The following RBFOX1 variants were observed in gnomAD, a reference collection of about 807,000 sequenced individuals.
RBFOX1 encodes RNA binding fox-1 homolog 1, also known as RNA binding protein fox-1 homolog 1.
A neutral mutation model predicts 57.7 loss-of-function variants in RBFOX1; 8 were observed. That is an observed-to-expected ratio of 0.14 (90% CI 0.08 to 0.25). RBFOX1 has a LOEUF of 0.25. RBFOX1 is among the 10% of genes least tolerant of loss of function. The probability of loss-of-function intolerance (pLI) is 1.00; values close to 1 mark genes in which losing one functional copy is unlikely to be tolerated. For synonymous variants in RBFOX1, 326 were observed against 222.4 expected, an observed-to-expected ratio of 1.47 and a Z score of -4.15; for missense variants, 611 against 548.5, an observed-to-expected ratio of 1.11 and a Z score of -1.14.
chr16:6,429,046 G>A (rs1167264271), intron 2 of RBFOX1, among the ~76,000 whole-genome samples: 1 of 152,096 alleles, frequency 6.6e-6, no homozygotes, highest in African/African-American at 2.4e-5. Context: ...CCTGGAAGAG[G>A]AGAAGGTGCG....
At chr16:7,183,085 C>T (rs886763552) in intron 4 of RBFOX1, among the ~76,000 whole-genome samples, 2 of 152,146 alleles carry the variant, frequency 1.3e-5, no homozygotes, top group Non-Finnish European at 2.9e-5. Flanking sequence ...GATCCCCTAA[C>T]TGCCAATTTC....
At chr16:6,059,424 A>G (rs1229235053) in intron 1 of RBFOX1, among the ~76,000 whole-genome samples, 1 of 152,174 alleles carries the variant, frequency 6.6e-6, no homozygotes, top group Non-Finnish European at 1.5e-5. Context: ...CAATATAAAC[A>G]TTTATATAAT....
intron 3 of RBFOX1, among the ~76,000 whole-genome samples, chr16:6,655,625 G>T (rs917922174): frequency 6.6e-6 from 1 of 152,080 alleles, no homozygotes; most frequent in Non-Finnish European, 1.5e-5. Context: ...ATTGACAAGA[G>T]TTCACAGACA....
chr16:7,709,174 C>G (rs545502747), intron 15 of RBFOX1, 43 bp downstream of exon 15: 2 of 1,535,506 alleles, frequency 1.3e-6, no homozygotes, highest in Non-Finnish European at 1.8e-6. Context: ...TCCTGCCTCC[C>G]TTCCCTTTCC....
At chr16:6,265,923 A>C (rs1598972357) in intron 1 of RBFOX1, among the ~76,000 whole-genome samples, 1 of 152,200 alleles carries the variant, frequency 6.6e-6, no homozygotes, top group South Asian at 2.1e-4. Flanking sequence ...TTCTCTTCAC[A>C]TGCAGCATCC....
chr16:6,793,503 A>G (rs140717775), intron 3 of RBFOX1, among the ~76,000 whole-genome samples: 17 of 152,270 alleles, frequency 1.1e-4, no homozygotes, highest in East Asian at 9.7e-4. Flanking sequence ...GTGTTTTGAC[A>G]TTTTGGCCAT....
chr16:6,278,962 G>T (rs1037671404), intron 1 of RBFOX1, among the ~76,000 whole-genome samples: 1 of 151,908 alleles, frequency 6.6e-6, no homozygotes, highest in African/African-American at 2.4e-5. Context: ...TTGAAACAAG[G>T]TTTGTGTTCT....
At chr16:7,395,699 G>A (rs755336506) in intron 4 of RBFOX1, among the ~76,000 whole-genome samples, 2 of 152,170 alleles carry the variant, frequency 1.3e-5, no homozygotes, top group Non-Finnish European at 2.9e-5. Flanking sequence ...CTATAGACTT[G>A]CAAATGCTCT....
chr16:6,447,730 C>T (rs764795799), intron 2 of RBFOX1, among the ~76,000 whole-genome samples: 1 of 152,174 alleles, frequency 6.6e-6, no homozygotes, highest in African/African-American at 2.4e-5. Context: ...GTATGCCACA[C>T]CAAATGCTGC....
intron 13 of RBFOX1, among the ~76,000 whole-genome samples, chr16:7,671,795 C>A (rs559717714): frequency 2.6e-5 from 4 of 152,182 alleles, no homozygotes; most frequent in Non-Finnish European, 5.9e-5. Flanking sequence ...ATCAGTATAT[C>A]CACTGTGTTG....
Position 6,229,471 on chromosome 16 carries a change from C to G in RBFOX1, c.-126-87524C>G, listed in dbSNP as rs751363934. On this transcript the variant is annotated intron_variant, in intron 1 of 15. Transcript: ENST00000550418. Reference sequence around the variant, plus strand: ...GTGTTTGAATCAAGAACCGGCAAAGCCCACAATGATGTTTGTGAGCATTAA... The same window carrying G: ...GTGTTTGAATCAAGAACCGGCAAAGGCCACAATGATGTTTGTGAGCATTAA... 9.9e-5 allele frequency among the ~76,000 whole-genome samples: 15 copies of G among 152,248 alleles called. 1 individual carries two copies. In the Middle Eastern group the frequency reaches 0.01, roughly 104 times the overall value.
At chr16:6,445,086 C>G (rs566451376) in intron 2 of RBFOX1, among the ~76,000 whole-genome samples, 1 of 151,832 alleles carries the variant, frequency 6.6e-6, no homozygotes, top group Non-Finnish European at 1.5e-5. Flanking sequence ...CATTCATGGC[C>G]CAGGCAGAAG....
At chr16:6,952,504 C>T (rs564536404) in intron 3 of RBFOX1, among the ~76,000 whole-genome samples, 99 of 151,774 alleles carry the variant, frequency 6.5e-4, no homozygotes, top group Non-Finnish European at 1.1e-3. Context: ...CAGGTGTGGT[C>T]ATGCACACCT....
intron 2 of RBFOX1, among the ~76,000 whole-genome samples, chr16:6,381,817 C>A (rs1250369066): frequency 6.6e-6 from 1 of 152,194 alleles, no homozygotes; most frequent in Non-Finnish European, 1.5e-5. Flanking sequence ...GACTTCATCG[C>A]ATTATCATGC....
intron 3 of RBFOX1, among the ~76,000 whole-genome samples, chr16:6,711,507 G>T (rs1046434821): frequency 6.6e-6 from 1 of 152,178 alleles, no homozygotes; most frequent in Non-Finnish European, 1.5e-5. Flanking sequence ...TCTTGTGGTA[G>T]AGAGTGAGTT....
intron 4 of RBFOX1, among the ~76,000 whole-genome samples, chr16:7,383,808 G>A (rs989393100): frequency 7.2e-5 from 11 of 152,012 alleles, no homozygotes; most frequent in East Asian, 3.9e-4. Context: ...TGTAATCCCC[G>A]TACTTTGGGA....
At chr16:6,460,529 A>G (rs1485784249) in intron 2 of RBFOX1, among the ~76,000 whole-genome samples, 2 of 152,178 alleles carry the variant, frequency 1.3e-5, no homozygotes, top group South Asian at 2.1e-4. Context: ...AGAGATGCAA[A>G]TCAAAACCAC....
intron 4 of RBFOX1, among the ~76,000 whole-genome samples, chr16:7,145,284 A>G (rs1451311577): frequency 6.6e-6 from 1 of 152,110 alleles, no homozygotes; most frequent in African/African-American, 2.4e-5. Context: ...AGTTCACTGC[A>G]GCCTCAACTT....
chr16:6,008,796 C>T (rs1328408326), intron 4 of RBFOX1, among the ~76,000 whole-genome samples: 1 of 152,188 alleles, frequency 6.6e-6, no homozygotes, highest in Non-Finnish European at 1.5e-5. Context: ...TCTGTGTTCT[C>T]CGTGAACTGC....
Sources: gnomAD v4.1 joint callset for allele counts (sites outside exome capture counted in the v4.1 genomes callset) on GRCh38, gnomAD v4.1.1 for gene constraint, MANE v1.5 for transcripts, NCBI Gene and HGNC (gene_info 2026-07-23, HGNC 2026-07-21) for gene names.